GRIK3: variants seen among roughly 807,000 people sequenced by gnomAD.
GRIK3 encodes glutamate ionotropic receptor kainate type subunit 3, also known as glutamate receptor ionotropic, kainate 3.
Under a neutral mutation model 102.5 loss-of-function variants are expected in GRIK3, and 29 were observed. That is an observed-to-expected ratio of 0.28 (90% CI 0.21 to 0.39). The LOEUF (loss-of-function observed/expected upper bound fraction) is 0.39, where lower values mean the gene tolerates loss of function less well. GRIK3 is among the 10% of genes least tolerant of loss of function. The pLI, the probability that GRIK3 is intolerant of heterozygous loss-of-function variation, is 1.00. For synonymous variants in GRIK3, 511 were observed against 504.9 expected (o/e 1.01, Z -0.16); for missense variants, 908 against 1,252.4 (o/e 0.73, Z 4.15).
chr1:36,927,197 A>G (rs1434046977), intron 1 of GRIK3, among the ~76,000 whole-genome samples: 3 of 152,226 alleles, frequency 2.0e-5, no homozygotes, highest in Admixed American at 2.0e-4. Context: ...ACAGTCATGC[A>G]GCCCAGGGTG....
At chr1:36,876,270 C>T (rs1640911539) in intron 3 of GRIK3, among the ~76,000 whole-genome samples, 2 of 151,992 alleles carry the variant, frequency 1.3e-5, no homozygotes, top group Non-Finnish European at 2.9e-5. Context: ...GGTGGGAGGA[C>T]CGTTTGAGCC....
rs538898103 is a variant in GRIK3, at chr1:36,988,905, AG to A, written c.115+45088del. Among the ~76,000 whole-genome samples the A allele has an allele frequency of 3.9e-4, 59 of 152,282 alleles. 1 individual carries two copies. In the East Asian group the frequency reaches 0.01, roughly 27 times the overall value. On this transcript the variant is annotated intron_variant, in intron 1 of 15. Transcript: ENST00000373091. Reference sequence around the variant, plus strand: ...TGAAACACCCGCGCTTTATAAATAAAGGCTTTACCAGGGCTGACAATGAAGT... The same window carrying A: ...TGAAACACCCGCGCTTTATAAATAAAGCTTTACCAGGGCTGACAATGAAGT...
chr1:36,874,999 A>G (rs751363943), intron 3 of GRIK3, among the ~76,000 whole-genome samples: 1 of 152,218 alleles, frequency 6.6e-6, no homozygotes, highest in Non-Finnish European at 1.5e-5. Flanking sequence ...CTCTTAAAAT[A>G]TCTGCAGTGA....
chr1:36,906,623 A>C (rs1641287584), intron 1 of GRIK3, among the ~76,000 whole-genome samples: 1 of 148,178 alleles, frequency 6.7e-6, no homozygotes, highest in Non-Finnish European at 1.5e-5. Flanking sequence ...AATGTTTTAG[A>C]TGATAAGTAT....
chr1:36,931,128 A>G (rs78673136), intron 1 of GRIK3, among the ~76,000 whole-genome samples: 2,041 of 152,320 alleles, frequency 0.013, 20 homozygotes, highest in Non-Finnish European at 0.021. Context: ...AGTATTTATC[A>G]CAAGTCTTCA....
intron 14 of GRIK3, 51 bp from the exon 15 acceptor site, chr1:36,805,288 GT>G: frequency 6.4e-7 from 1 of 1,553,268 alleles, no homozygotes; most frequent in Non-Finnish European, 8.7e-7. Flanking sequence ...GGCCCATTCT[GT>G]GTTTGGCTCT....
intron 1 of GRIK3, among the ~76,000 whole-genome samples, chr1:36,968,222 T>TGC (rs1642101025): frequency 1.9e-4 from 1 of 5,376 alleles, no homozygotes; most frequent in East Asian, 9.4e-3. Context: ...TCTCTCTCCG[T>TGC]GTGTGTGTGT....
At chr1:36,891,697 A>T (rs1421599089) in intron 1 of GRIK3, among the ~76,000 whole-genome samples, 1 of 152,234 alleles carries the variant, frequency 6.6e-6, no homozygotes, top group Non-Finnish European at 1.5e-5. Flanking sequence ...AATAAGAGGC[A>T]TGGGGGAGGA....
intron 1 of GRIK3, among the ~76,000 whole-genome samples, chr1:36,928,439 A>G (rs1641552628): frequency 6.6e-6 from 1 of 152,232 alleles, no homozygotes; most frequent in African/African-American, 2.4e-5. Context: ...TGTCTGAATC[A>G]AAGTGGCAAT....
chr1:37,033,307 CGGGCCGCACT>C (rs1273270726), intron 1 of GRIK3, among the ~76,000 whole-genome samples: 1 of 152,214 alleles, frequency 6.6e-6, no homozygotes, highest in African/African-American at 2.4e-5. Context: ...GCCGCCTGCC[CGGGCCGCACT>C]GGGCGGCCTC....
intron 1 of GRIK3, among the ~76,000 whole-genome samples, chr1:36,933,146 C>G (rs145429353): frequency 1.3e-5 from 2 of 152,168 alleles, no homozygotes; most frequent in East Asian, 3.8e-4. Context: ...GCAAGCTGAA[C>G]TCTCTGCTTT....
At position 36,880,611 on chromosome 1, in the gene GRIK3, C is replaced by A; in HGVS notation, c.550+23G>T. 6.2e-7 allele frequency: 1 copy of A among 1,611,578 alleles called. No homozygotes were observed. Among genetic ancestry groups the A allele is most frequent in the Non-Finnish European group, 8.5e-7 (1 of 1,178,014 alleles). Reference sequence around the variant, plus strand: ...TGCCCCCCTCAACCGTTGCCCCCAGCCTAGCCAGGCCTGGCCACCCACCTG... The same window carrying A: ...TGCCCCCCTCAACCGTTGCCCCCAGACTAGCCAGGCCTGGCCACCCACCTG... On this transcript the variant is annotated intron_variant, in intron 3 of 15. Coordinates refer to ENST00000373091, the MANE Select transcript of GRIK3 (RefSeq NM_000831.4). The surrounding 1 kb of genome is among the most constrained non-coding windows in gnomAD (Gnocchi z 5.4).
At chr1:36,926,324 C>T (rs2124309047) in intron 1 of GRIK3, among the ~76,000 whole-genome samples, 1 of 152,164 alleles carries the variant, frequency 6.6e-6, no homozygotes, top group African/African-American at 2.4e-5. Flanking sequence ...GTGAGCTTCA[C>T]AGTTCATGAA....
At chr1:37,031,897 G>C (rs1266012639) in intron 1 of GRIK3, among the ~76,000 whole-genome samples, 4 of 152,200 alleles carry the variant, frequency 2.6e-5, no homozygotes, top group Admixed American at 2.6e-4. Context: ...AGTCTCCAGA[G>C]GCCTCAGAGT....
chr1:36,836,918 C>T (rs1033010074), intron 10 of GRIK3, among the ~76,000 whole-genome samples: 12 of 152,092 alleles, frequency 7.9e-5, no homozygotes, highest in Non-Finnish European at 1.3e-4. Context: ...CAGGAGGTCA[C>T]GCTTGTGCCA....
intron 1 of GRIK3, among the ~76,000 whole-genome samples, chr1:36,986,590 T>TG (rs1034774538): frequency 6.6e-6 from 1 of 152,184 alleles, no homozygotes; most frequent in Non-Finnish European, 1.5e-5. Context: ...GAACAATCTC[T>TG]ACCCTCAAGG....
chr1:36,823,574 G>A (rs1642720503), intron 11 of GRIK3, among the ~76,000 whole-genome samples: 2 of 151,386 alleles, frequency 1.3e-5, no homozygotes, highest in South Asian at 4.2e-4. Flanking sequence ...AGGATCATGA[G>A]CTCTGCAACA....
chr1:36,843,294 C>T (rs1443071522), intron 9 of GRIK3, among the ~76,000 whole-genome samples: 3 of 152,144 alleles, frequency 2.0e-5, no homozygotes, highest in East Asian at 1.9e-4. Context: ...AGCCCCATCC[C>T]GTGTCCATGA....
intron 5 of GRIK3, among the ~76,000 whole-genome samples, chr1:36,869,444 C>T: frequency 6.6e-6 from 1 of 152,324 alleles, no homozygotes; most frequent in East Asian, 1.9e-4. Context: ...GGCAGAAGCC[C>T]ATTTTGCAGA....
Sources: gnomAD v4.1 joint callset for allele counts (sites outside exome capture counted in the v4.1 genomes callset) on GRCh38, gnomAD v4.1.1 for gene constraint, Gnocchi (gnomAD v3.1) non-coding constraint, MANE v1.5 for transcripts, NCBI Gene and HGNC (gene_info 2026-07-23, HGNC 2026-07-21) for gene names.